The following TMEM154 variants were observed in gnomAD, a reference collection of about 807,000 sequenced individuals.
TMEM154 encodes transmembrane protein 154.
Under a neutral mutation model 24.5 loss-of-function variants are expected in TMEM154, and 27 were observed. That is an observed-to-expected ratio of 1.10 (90% CI 0.81 to 1.52). TMEM154 has a LOEUF of 1.52. TMEM154 is among the 40% of genes most tolerant of loss of function. The pLI is 0.00. For missense variants in TMEM154, 228 were observed against 213.4 expected (o/e 1.07, Z -0.43); for synonymous variants, 67 against 76.8 (o/e 0.87, Z 0.67).
chr4:152,640,889 C>CCCCCAAAAAA, intron 6 of TMEM154, 39 bp downstream of exon 6: 1 of 1,318,078 alleles, frequency 7.6e-7, no homozygotes, highest in South Asian at 1.2e-5. Context: ...CCCCGCCCCC[C>CCCCCAAAAAA]GCCATATACA....
At chr4:152,668,463 C>A (rs972559811) in intron 1 of TMEM154, 5 of 152,100 alleles carry the variant, frequency 3.3e-5, no homozygotes, top group African/African-American at 4.8e-5. Context: ...CATGCCCTTG[C>A]CTCAAGACAT....
intron 1 of TMEM154, among the ~76,000 whole-genome samples, chr4:152,653,956 T>G (rs1464696438): frequency 6.6e-6 from 1 of 151,756 alleles, no homozygotes; most frequent in Non-Finnish European, 1.5e-5. Context: ...AGAGAATTGC[T>G]TGAACCCAGG....
intron 1 of TMEM154, among the ~76,000 whole-genome samples, chr4:152,678,879 G>T (rs190452867): frequency 1.3e-5 from 2 of 152,356 alleles, no homozygotes; most frequent in East Asian, 3.9e-4. Flanking sequence ...TTGATGGAGT[G>T]GGGTGGCTGG....
At chr4:152,660,919 T>C (rs1272609165) in intron 1 of TMEM154, among the ~76,000 whole-genome samples, 1 of 152,126 alleles carries the variant, frequency 6.6e-6, no homozygotes, top group Non-Finnish European at 1.5e-5. Context: ...GGAAGGTGAA[T>C]GAAGTCCCTA....
In TMEM154 at chr4:152,623,378, C is replaced by A. The variant is rs1159124993; in HGVS notation, c.*5168G>T. The A allele has an allele frequency of 6.6e-6, 1 of 151,740 alleles. No homozygotes were observed. Among genetic ancestry groups the A allele is most frequent in the Admixed American group, 6.6e-5 (1 of 15,236 alleles). 9.4% of individuals were successfully genotyped at this position (151,740 alleles called of 1,614,324 possible). Reference sequence around the variant, plus strand: ...AGATTATTGTTTAACTTGTTGAATACCTATAATCTCTGCTTTTTCTGAAAG... The same window carrying A: ...AGATTATTGTTTAACTTGTTGAATAACTATAATCTCTGCTTTTTCTGAAAG... On this transcript the variant is annotated 3_prime_UTR_variant, in exon 7 of 7. Transcript: ENST00000304385.
At position 152,628,222 on chromosome 4, in the gene TMEM154, T is replaced by C. The variant is rs1751951391; in HGVS notation, c.*324A>G. The C allele has an allele frequency of 9.9e-6, 4 of 405,706 alleles. No homozygotes were observed. In the South Asian group the frequency reaches 1.5e-4, roughly 15 times the overall value. The allele number at this position is 405,706 out of a possible 1,614,324, so 25.1% of individuals were successfully genotyped here. A position where few individuals can be genotyped will look rare whatever the true frequency, so the allele number is the denominator to read the frequency against. ...TGACGAACATTTATCATGACCAGAG[T>C]GAGTTCAGTGAGCTAGAAGTTGGCT... On this transcript the variant is annotated 3_prime_UTR_variant, in exon 7 of 7. Transcript: ENST00000304385.
At chr4:152,640,788 C>A in intron 6 of TMEM154, 140 bp downstream of exon 6, 1 of 688,522 alleles carries the variant, frequency 1.5e-6, no homozygotes, top group Non-Finnish European at 2.5e-6. Flanking sequence ...CTTCTCCACA[C>A]TATGCACATA....
At chr4:152,633,220 C>T (rs1752083140) in intron 6 of TMEM154, among the ~76,000 whole-genome samples, 1 of 152,164 alleles carries the variant, frequency 6.6e-6, no homozygotes, top group South Asian at 2.1e-4. Flanking sequence ...TGCCCACTGC[C>T]ACAGCTCTGT....
intron 1 of TMEM154, among the ~76,000 whole-genome samples, chr4:152,663,271 C>T (rs1728651952): frequency 2.0e-5 from 3 of 152,196 alleles, no homozygotes; most frequent in Admixed American, 1.3e-4. Flanking sequence ...ATAACTTCCT[C>T]ATTTTACTGC....
intron 6 of TMEM154, among the ~76,000 whole-genome samples, chr4:152,639,242 T>G (rs1752207225): frequency 6.6e-6 from 1 of 152,202 alleles, no homozygotes; most frequent in African/African-American, 2.4e-5. Flanking sequence ...TGAGCCACAT[T>G]GCCTGGCCAA....
Position 152,628,541 on chromosome 4 carries a change from C to T in TMEM154, c.*5G>A, listed in dbSNP as rs369706474. 1.6e-5 allele frequency: 14 copies of T among 893,238 alleles called. No individual in the cohort carries two copies. The African/African-American group carries it at 1.6e-4, about 10-fold the overall frequency. The allele number at this position is 893,238 out of a possible 1,614,324, so 55.3% of individuals were successfully genotyped here. ...TCTCTTGGAAAACATGAGCGCCATT[C>T]AGGTTTAGGATTCACTGTCACTGTA... On this transcript the variant is annotated 3_prime_UTR_variant, in exon 7 of 7. Transcript: ENST00000304385.
At chr4:152,654,781 C>G (rs1012479747) in intron 1 of TMEM154, among the ~76,000 whole-genome samples, 1 of 152,182 alleles carries the variant, frequency 6.6e-6, no homozygotes, top group Non-Finnish European at 1.5e-5. Flanking sequence ...TCCCAGCCTC[C>G]AGAACTGTGA....
rs141898027 is a variant in TMEM154, at chr4:152,663,026, A to T, written c.65-10099T>A. ...CTGGGAAGAATTCCCTCCCTCTCTA[A>T]TTCTCCATTTCCTAAAAGCCAAAAA... On this transcript the variant is annotated intron_variant, in intron 1 of 6. Transcript: ENST00000304385. Among the ~76,000 whole-genome samples the T allele has an allele frequency of 3.5e-4, 53 of 152,130 alleles. No individual in the cohort carries two copies. In the East Asian group the frequency reaches 9.8e-3, roughly 28 times the overall value.
Position 152,628,574 on chromosome 4 carries a change from A to AAC in TMEM154, c.537-14_537-13insGT. 1 of 1,252,232 alleles carries AAC rather than the reference A, an allele frequency of 8.0e-7. No individual in the cohort carries two copies. The highest frequency in any genetic ancestry group is 3.0e-5 in the Admixed American group (1 of 33,328). 77.6% of individuals were successfully genotyped at this position (1,252,232 alleles called of 1,614,324 possible). A position where few individuals can be genotyped will look rare whatever the true frequency, so the allele number is the denominator to read the frequency against. ...GGATTCACTGTCACTGTAAAAAAAA[A>AAC]AAAAAAAAAAAAAAAAAACAAAAAA... On this transcript the variant is annotated splice_polypyrimidine_tract_variant and intron_variant, in intron 6 of 6. Coordinates refer to ENST00000304385, the MANE Select transcript of TMEM154 (RefSeq NM_152680.3).
chr4:152,674,930 T>C (rs1345298842), intron 1 of TMEM154, among the ~76,000 whole-genome samples: 1 of 151,104 alleles, frequency 6.6e-6, no homozygotes, highest in Non-Finnish European at 1.5e-5. Context: ...CCGAGGTGAG[T>C]GGATCACCTG....
intron 1 of TMEM154, among the ~76,000 whole-genome samples, chr4:152,667,209 C>T (rs1468365713): frequency 2.0e-5 from 3 of 152,182 alleles, no homozygotes; most frequent in African/African-American, 4.8e-5. Context: ...GCCAGTCACG[C>T]TCTCACCTTT....
At chr4:152,629,687 C>T (rs572056464) in intron 6 of TMEM154, among the ~76,000 whole-genome samples, 32 of 152,318 alleles carry the variant, frequency 2.1e-4, no homozygotes, top group Middle Eastern at 3.4e-3. Context: ...GTATCTCCCT[C>T]GCTCATAGAT....
chr4:152,676,448 C>T (rs1728954385), intron 1 of TMEM154, among the ~76,000 whole-genome samples: 1 of 152,146 alleles, frequency 6.6e-6, no homozygotes, highest in Non-Finnish European at 1.5e-5. Context: ...CTTAGATTCA[C>T]TAATTAGCTG....
rs184397714 is a variant in TMEM154 at position 152,650,060 on chromosome 4, G to A, written c.364+2478C>T. Among the ~76,000 whole-genome samples, 316 of 152,290 alleles carry A rather than the reference G, an allele frequency of 2.1e-3. 1 individual carries two copies. The highest frequency in any genetic ancestry group is 7.1e-3 in the African/African-American group (293 of 41,530). On this transcript the variant is annotated intron_variant, in intron 3 of 6. Transcript: ENST00000304385. ...AATTATTTTTCTGGCGGAGGGTCTT[G>A]CCTTGATGTTGATGGTTGCTGACTG...
Sources: gnomAD v4.1 joint callset for allele counts (sites outside exome capture counted in the v4.1 genomes callset) on GRCh38, gnomAD v4.1.1 for gene constraint, MANE v1.5 for transcripts, NCBI Gene and HGNC (gene_info 2026-07-23, HGNC 2026-07-21) for gene names.